TRIM40: variants seen among roughly 807,000 people sequenced by gnomAD.
TRIM40 encodes tripartite motif containing 40.
TRIM40 carries 27 observed loss-of-function variants against 26.1 expected under a neutral mutation model. That is an observed-to-expected ratio of 1.04 (90% confidence interval 0.76 to 1.43). TRIM40 has a LOEUF of 1.43. Among genes scored for constraint, TRIM40 ranks in the 40% most tolerant of loss-of-function variants. The pLI, the probability that TRIM40 is intolerant of heterozygous loss-of-function variation, is 0.00. For synonymous variants in TRIM40, 114 were observed against 120.0 expected (o/e 0.95, Z 0.33); for missense variants, 289 against 307.9 (o/e 0.94, Z 0.46).
At chr6:30,146,550 A>G (rs1004929178) in intron 3 of TRIM40, among the ~76,000 whole-genome samples, 10 of 152,114 alleles carry the variant, frequency 6.6e-5, no homozygotes, top group African/African-American at 1.9e-4. Flanking sequence ...TACTGGGACT[A>G]CAGGCACTTG....
chr6:30,140,635 G>A (rs1206291683), intron 2 of TRIM40, among the ~76,000 whole-genome samples: 2 of 152,146 alleles, frequency 1.3e-5, no homozygotes, highest in Non-Finnish European at 2.9e-5. Context: ...GGTTTGATGG[G>A]TGCAGCAAAC....
intron 2 of TRIM40, among the ~76,000 whole-genome samples, chr6:30,143,815 T>C (rs1310096163): frequency 6.6e-6 from 1 of 152,258 alleles, no homozygotes; most frequent in Admixed American, 6.5e-5. Context: ...TCATTTTGAA[T>C]ATTGTAAACA....
In TRIM40 at chr6:30,137,367, C is replaced by T. The variant is rs888858242; in HGVS notation, c.331C>T (p.Leu111Phe). 3.1e-6 allele frequency: 5 copies of T among 1,612,338 alleles called. No individual in the cohort carries two copies. In the Admixed American group the frequency reaches 5.0e-5, roughly 16 times the overall value. ...TCATGAACTGACCATTGAAAATGCC[C>T]TCAGCCACTACAAGGTAAGCCTGGG... Reference protein sequence around the residue: ...SHHELTIENALSHYKERLNRR... With the variant: ...SHHELTIENAFSHYKERLNRR... Residue 111 changes from leucine (L) to phenylalanine (F), a missense_variant, in exon 2 of 6, where the codon CTC (leucine) becomes TTC (phenylalanine). Transcript: ENST00000396581.
intron 1 of TRIM40, chr6:30,136,392 T>C (rs1471627245): frequency 6.5e-6 from 1 of 152,904 alleles, no homozygotes; most frequent in Non-Finnish European, 1.5e-5. Flanking sequence ...TGTGTCCTGT[T>C]TTCTTTCTCA....
At chr6:30,136,391 T>C (rs1236509342) in intron 1 of TRIM40, 2 of 152,858 alleles carry the variant, frequency 1.3e-5, no homozygotes, top group Non-Finnish European at 2.9e-5. Context: ...CTGTGTCCTG[T>C]TTTCTTTCTC....
chr6:30,141,562 A>T (rs1771345089), intron 2 of TRIM40, among the ~76,000 whole-genome samples: 2 of 152,204 alleles, frequency 1.3e-5, no homozygotes, highest in Admixed American at 1.3e-4. Context: ...ATTATAATAG[A>T]TTGCATTGAA....
intron 3 of TRIM40, among the ~76,000 whole-genome samples, chr6:30,146,419 A>ATT (rs533553305): frequency 0.014 from 2,013 of 148,238 alleles, 28 homozygotes; most frequent in Middle Eastern, 0.041. Flanking sequence ...ATTTTATTTT[A>ATT]TTTTTTTTTT....
At chr6:30,143,840 T>C (rs1771493583) in intron 2 of TRIM40, among the ~76,000 whole-genome samples, 1 of 151,940 alleles carries the variant, frequency 6.6e-6, no homozygotes, top group Admixed American at 6.6e-5. Context: ...GACAGTATTA[T>C]CTTCAGTCAT....
chr6:30,142,409 G>T (rs530188855), intron 2 of TRIM40, among the ~76,000 whole-genome samples: 99 of 152,142 alleles, frequency 6.5e-4, no homozygotes, highest in African/African-American at 2.4e-3. Flanking sequence ...ATGAAGACTC[G>T]CTGTCTGCAT....
At chr6:30,139,968 A>G (rs1045809089) in intron 2 of TRIM40, among the ~76,000 whole-genome samples, 1 of 152,244 alleles carries the variant, frequency 6.6e-6, no homozygotes, top group Non-Finnish European at 1.5e-5. Flanking sequence ...ACATATGAAA[A>G]AATGCTCATC....
In TRIM40 at chr6:30,147,892, A is replaced by T. The variant is rs756218429; in HGVS notation, c.*80A>T. 55 of 1,253,822 alleles carry T rather than the reference A, an allele frequency of 4.4e-5. No homozygotes were observed. The highest frequency in any genetic ancestry group is 5.7e-5 in the Non-Finnish European group (49 of 854,916). The allele number at this position is 1,253,822 out of a possible 1,614,324, so 77.7% of individuals were successfully genotyped here. ...CTTCCTCCAACCTGTCCAGGCCCCC[A>T]CTGGGTCTACCCAGTGCATCTTCGG... On this transcript the variant is annotated 3_prime_UTR_variant, in exon 6 of 6. Coordinates refer to ENST00000396581, the MANE Select transcript of TRIM40 (RefSeq NM_001286633.2).
rs752584951 is a variant in TRIM40, at chr6:30,146,012, A to G, written c.364A>G (p.Ser122Gly). The G allele has an allele frequency of 6.2e-7, 1 of 1,613,066 alleles. No individual in the cohort carries two copies. Among genetic ancestry groups the G allele is most frequent in the South Asian group, 1.1e-5 (1 of 91,068 alleles). ...TCTTTAGGAACGACTCAATCGCCGG[A>G]GCAGGAAGCTCAGAAAGGACATTGC... ...SHYKERLNRR[S>G]RKLRKDIAEL... The change falls in exon 3 of 6, where the codon AGC becomes GGC. Residue 122 changes from serine to glycine, a missense_variant. Transcript: ENST00000396581.
chr6:30,142,335 A>G (rs57177370), intron 2 of TRIM40, among the ~76,000 whole-genome samples: 1,684 of 152,286 alleles, frequency 0.011, 24 homozygotes, highest in African/African-American at 0.034. Flanking sequence ...TAAGTGTGTG[A>G]CAGTGATGTA....
intron 4 of TRIM40, 62 bp from the exon 5 acceptor site, chr6:30,147,458 G>A: frequency 6.2e-7 from 1 of 1,612,526 alleles, no homozygotes; most frequent in Non-Finnish European, 8.5e-7. Context: ...AATTGGGAAA[G>A]GAATTTGGAG....
At position 30,147,018 on chromosome 6, in the gene TRIM40, G is replaced by A. The variant is rs774058653; in HGVS notation, c.475G>A (p.Ala159Thr). 4 of 1,608,484 alleles carry A rather than the reference G, an allele frequency of 2.5e-6. No individual in the cohort carries two copies. The highest frequency in any genetic ancestry group is 2.5e-6 in the Non-Finnish European group (3 of 1,177,990). Residue 159 changes from alanine (A) to threonine (T), a missense_variant, in exon 4 of 6, where the codon GCT (alanine) becomes ACT (threonine). Ala to Thr is a moderately conservative substitution (Grantham distance 58, BLOSUM62 0). Transcript: ENST00000396581. ...AGACCACGGGAACCACAGGCTGGAG[G>A]CTGGGCCGGAGAGCCAGCACCAAAC... is the stretch of plus-strand genomic sequence containing the variant. ...QVDHGNHRLEAGPESQHQTRE... is the reference protein window; with the variant it reads ...QVDHGNHRLETGPESQHQTRE...
rs1581546544 is a variant in TRIM40, at chr6:30,147,801, C to T, written c.766C>T (p.Gln256Ter). 6.2e-7 allele frequency: 1 copy of T among 1,614,110 alleles called. No homozygotes were observed. The highest frequency in any genetic ancestry group is 8.5e-7 in the Non-Finnish European group (1 of 1,179,924). ...CAGTGAATTGCTTCTTCAGCCCCCT[C>T]AGAAGCTCTGACCTGTTCATCCCTG... Reference protein sequence around the residue: ...GVSELLLQPPQKL With the variant: ...GVSELLLQPP Residue 256 changes from glutamine (Q) to a stop codon, truncating the protein, a stop_gained, in exon 6 of 6, where the codon CAG becomes TAG. Transcript: ENST00000396581. LOFTEE classifies it high-confidence loss of function.
chr6:30,145,204 T>TAA (rs9280909), intron 2 of TRIM40, among the ~76,000 whole-genome samples: 1 of 148,544 alleles, frequency 6.7e-6, no homozygotes, highest in Non-Finnish European at 1.5e-5. Context: ...CAAAAAAGAT[T>TAA]AAAAAAAAAA....
In TRIM40 at chr6:30,147,824, C is replaced by T. The variant is rs1445994573; in HGVS notation, c.*12C>T. On this transcript the variant is annotated 3_prime_UTR_variant, in exon 6 of 6. Transcript: ENST00000396581. ...CTCAGAAGCTCTGACCTGTTCATCC[C>T]TGGGACACCTCACTTCAGGCTCACC... 1.1e-5 allele frequency: 17 copies of T among 1,612,298 alleles called. No individual in the cohort carries two copies. The highest frequency in any genetic ancestry group is 1.4e-5 in the Non-Finnish European group (17 of 1,178,420).
At chr6:30,147,247 T>C (rs1771727197) in intron 4 of TRIM40, 38 bp downstream of exon 4, 1 of 1,609,964 alleles carries the variant, frequency 6.2e-7, no homozygotes, top group Non-Finnish European at 8.5e-7. Context: ...GCTGGGATTC[T>C]CCCCGATAGG....
Sources: gnomAD v4.1 joint callset for allele counts (sites outside exome capture counted in the v4.1 genomes callset) on GRCh38, gnomAD v4.1.1 for gene constraint, MANE v1.5 for transcripts, NCBI Gene and HGNC (gene_info 2026-07-23, HGNC 2026-07-21) for gene names.